RAD51B: variants seen among roughly 807,000 people sequenced by gnomAD.
RAD51B encodes DNA repair protein RAD51 homolog 2.
In RAD51B, 38 loss-of-function variants were observed where a neutral mutation model predicts 42.2. That is an observed-to-expected ratio of 0.90 (90% CI 0.70 to 1.18). RAD51B has a LOEUF of 1.18. Among genes scored for constraint, RAD51B ranks in the 50% most tolerant of loss-of-function variants. The pLI, the probability that RAD51B is intolerant of heterozygous loss-of-function variation, is 0.00. For missense variants in RAD51B, 373 were observed against 400.7 expected (o/e 0.93, Z 0.59); for synonymous variants, 154 against 145.2 (o/e 1.06, Z -0.43).
intron 7 of RAD51B, among the ~76,000 whole-genome samples, chr14:68,273,820 G>T (rs1253912201): frequency 6.6e-6 from 1 of 152,084 alleles, no homozygotes; most frequent in Non-Finnish European, 1.5e-5. Flanking sequence ...CTGAGTAGTT[G>T]GGATTACAGG....
At chr14:68,449,148 A>C (rs2140180892) in intron 9 of RAD51B, among the ~76,000 whole-genome samples, 1 of 152,366 alleles carries the variant, frequency 6.6e-6, no homozygotes, top group African/African-American at 2.4e-5. Context: ...ATAAAAATGA[A>C]CGAAATGTTG....
rs200794850 is a variant in RAD51B at position 68,590,651 on chromosome 14, GATACC to G, written c.1037-3832_1037-3828del. ...AAATCTACCTGGAATCTTAAATGTTGATACCACCTGGCTGCCTTACCTGAAGTTAG... is the reference window on the plus strand; with the variant it reads ...AAATCTACCTGGAATCTTAAATGTTGACCTGGCTGCCTTACCTGAAGTTAG... On this transcript the variant is annotated intron_variant, in intron 10 of 10. Transcript: ENST00000487270. Among the ~76,000 whole-genome samples the G allele has an allele frequency of 6.4e-3, 980 of 152,272 alleles. 14 individuals carry two copies. The highest frequency in any genetic ancestry group is 4.5e-3 in the Non-Finnish European group (305 of 68,012).
At chr14:68,606,774 C>T (rs543534569) in intron 10 of RAD51B, among the ~76,000 whole-genome samples, 11 of 152,260 alleles carry the variant, frequency 7.2e-5, no homozygotes, top group African/African-American at 2.6e-4. Context: ...TTAACTGAGT[C>T]GGAACTGTAC....
chr14:68,493,316 T>A (rs1884228353), intron 10 of RAD51B, among the ~76,000 whole-genome samples: 1 of 152,240 alleles, frequency 6.6e-6, no homozygotes, highest in Admixed American at 6.5e-5. Flanking sequence ...ATGAGTAGAA[T>A]GATGGATTCA....
rs1892940200 is a variant in RAD51B, at chr14:68,661,853, G to A, written c.*11+10997G>A. Among the ~76,000 whole-genome samples, 3 of 152,192 alleles carry A rather than the reference G, an allele frequency of 2.0e-5. No homozygotes were observed. The South Asian group carries it at 6.2e-4, about 32-fold the overall frequency. ...GTTGTGCTCTAGGCTGGCCCAGTTA[G>A]CCATCACCCAGTGGTCTTTGTACTC... On this transcript the variant is annotated intron_variant, in intron 11 of 11. Coordinates refer to the RAD51B transcript ENST00000488612.
intron 8 of RAD51B, among the ~76,000 whole-genome samples, chr14:68,327,713 C>T (rs547538110): frequency 4.7e-5 from 6 of 128,840 alleles, no homozygotes; most frequent in Non-Finnish European, 9.0e-5. Context: ...TATTAATCTT[C>T]GAGAAGGTAT....
At chr14:68,615,175 C>G (rs1477822080), downstream of RAD51B, among the ~76,000 whole-genome samples, 1 of 152,106 alleles carries the variant, frequency 6.6e-6, no homozygotes, top group Non-Finnish European at 1.5e-5. Flanking sequence ...ACTGATTTTT[C>G]TGACTATTTG....
intron 7 of RAD51B, among the ~76,000 whole-genome samples, chr14:67,946,026 A>G (rs1194572281): frequency 6.6e-6 from 1 of 152,132 alleles, no homozygotes; most frequent in South Asian, 2.1e-4. Context: ...TCAAATAGGC[A>G]TCTTAGAGGA....
intron 7 of RAD51B, among the ~76,000 whole-genome samples, chr14:68,109,980 G>A (rs1595410232): frequency 6.6e-6 from 1 of 152,036 alleles, no homozygotes; most frequent in East Asian, 1.9e-4. Flanking sequence ...CACACAGAGA[G>A]CCCTGGTTTT....
intron 10 of RAD51B, among the ~76,000 whole-genome samples, chr14:68,559,376 C>G (rs1353269636): frequency 6.8e-6 from 1 of 147,742 alleles, no homozygotes; most frequent in East Asian, 2.0e-4. Flanking sequence ...AATACACATC[C>G]CAGGGGCATT....
intron 7 of RAD51B, among the ~76,000 whole-genome samples, chr14:68,212,092 A>G (rs2079722107): frequency 6.6e-6 from 1 of 152,252 alleles, no homozygotes. Context: ...GGAAGGCATC[A>G]TGCCTAAGTC....
At chr14:68,295,481 C>G (rs1215160720) in intron 8 of RAD51B, among the ~76,000 whole-genome samples, 2 of 152,186 alleles carry the variant, frequency 1.3e-5, no homozygotes, top group Non-Finnish European at 2.9e-5. Flanking sequence ...TCTCCTCCCC[C>G]ATAGACGTCC....
At chr14:67,931,214 T>G in intron 7 of RAD51B, among the ~76,000 whole-genome samples, 1 of 151,970 alleles carries the variant, frequency 6.6e-6, no homozygotes, top group Non-Finnish European at 1.5e-5. Context: ...AGCCACCGCG[T>G]CCTGCCTGGC....
intron 3 of RAD51B, among the ~76,000 whole-genome samples, chr14:67,827,937 C>G (rs2040889305): frequency 6.6e-6 from 1 of 152,152 alleles, no homozygotes; most frequent in South Asian, 2.1e-4. Flanking sequence ...GTGAATAGTG[C>G]TGCAATGAAC....
intron 7 of RAD51B, among the ~76,000 whole-genome samples, chr14:68,241,681 A>T (rs1174942619): frequency 3.3e-5 from 5 of 151,134 alleles, no homozygotes; most frequent in South Asian, 2.1e-4. Flanking sequence ...TTTTTTTTTT[A>T]AATAGTTAAA....
chr14:68,563,309 C>T (rs984664435), intron 10 of RAD51B: 6 of 985,298 alleles, frequency 6.1e-6, no homozygotes, highest in Non-Finnish European at 7.2e-6. Flanking sequence ...CTTGTTCTCT[C>T]CTCGGGGCGT....
chr14:67,955,536 C>T (rs893033242), intron 7 of RAD51B, among the ~76,000 whole-genome samples: 2 of 151,956 alleles, frequency 1.3e-5, no homozygotes, highest in Non-Finnish European at 2.9e-5. Flanking sequence ...AGATATTTCT[C>T]TAGGTTTGGA....
intron 1 of RAD51B, among the ~76,000 whole-genome samples, 156 bp downstream of exon 1, chr14:67,820,009 A>G (rs978960785): frequency 3.9e-5 from 6 of 152,048 alleles, no homozygotes; most frequent in South Asian, 2.1e-4. Context: ...GATCGTCACT[A>G]AGAACCCCGC....
At chr14:68,411,750 G>A (rs552407793) in intron 9 of RAD51B, among the ~76,000 whole-genome samples, 43 of 152,244 alleles carry the variant, frequency 2.8e-4, no homozygotes, top group African/African-American at 9.9e-4. Context: ...ATCCCACAGA[G>A]TCAGCATTTC....
Sources: gnomAD v4.1 joint callset for allele counts (sites outside exome capture counted in the v4.1 genomes callset) on GRCh38, gnomAD v4.1.1 for gene constraint, MANE v1.5 for transcripts, NCBI Gene and HGNC (gene_info 2026-07-23, HGNC 2026-07-21) for gene names.